The following UBAC1 variants were observed in gnomAD, a reference collection of about 807,000 sequenced individuals.
UBAC1 encodes the protein UBA domain containing 1, also known as ubiquitin-associated domain-containing protein 1.
In UBAC1, 27 loss-of-function variants were observed where a neutral mutation model predicts 45.9. The ratio of observed to expected loss-of-function variants is 0.59; its 90% CI spans 0.43 to 0.81. UBAC1 has a LOEUF of 0.81. Ranked by LOEUF, UBAC1 falls within the 30% of genes least tolerant of loss-of-function variation. The pLI is 0.00. For synonymous variants in UBAC1, 227 were observed against 215.5 expected, an observed-to-expected ratio of 1.05 and a Z score of -0.47; for missense variants, 529 against 539.2, an observed-to-expected ratio of 0.98 and a Z score of 0.19.
intron 1 of UBAC1, among the ~76,000 whole-genome samples, chr9:135,955,999 C>T (rs896571251): frequency 1.3e-5 from 2 of 152,218 alleles, no homozygotes; most frequent in Non-Finnish European, 2.9e-5. Flanking sequence ...CGTGGCCCAG[C>T]TCACGAAGCA....
Position 135,955,409 on chromosome 9 carries a change from G to A in UBAC1, c.145C>T (p.His49Tyr), listed in dbSNP as rs142001879. ...CTTTTGGGATCTTCTAAGCTCCCAT[G>A]AGCACACTGGGGAAAAATAGAAATT... ...LKERCLKHCA[H>Y]GSLEDPKSIT... The change falls in exon 2 of 10, where the codon CAT becomes TAT. Residue 49 changes from histidine to tyrosine, a missense_variant. Physicochemically the swap from His to Tyr is moderately conservative, Grantham distance 83. Transcript: ENST00000371756. 12,322 of 1,558,468 alleles carry A rather than the reference G, an allele frequency of 7.9e-3. 74 individuals are homozygous for A. Among genetic ancestry groups the A allele is most frequent in the South Asian group, 0.012 (974 of 82,040 alleles).
chr9:135,936,450 T>C (rs1174340991), intron 9 of UBAC1, among the ~76,000 whole-genome samples: 4 of 151,276 alleles, frequency 2.6e-5, no homozygotes, highest in Non-Finnish European at 4.4e-5. Context: ...GAAAAAAAAA[T>C]AAAAGGAAAA....
chr9:135,942,802 T>C (rs911900398), intron 7 of UBAC1, among the ~76,000 whole-genome samples: 2 of 152,202 alleles, frequency 1.3e-5, no homozygotes, highest in Admixed American at 1.3e-4. Flanking sequence ...CGGGGTCTGA[T>C]GTCTACACAC....
intron 3 of UBAC1, among the ~76,000 whole-genome samples, chr9:135,951,608 A>G (rs1839406188): frequency 6.6e-6 from 1 of 152,124 alleles, no homozygotes; most frequent in South Asian, 2.1e-4. Context: ...CAGGAGATCG[A>G]GACCAGCCTG....
intron 9 of UBAC1, among the ~76,000 whole-genome samples, chr9:135,934,439 T>C (rs1839181541): frequency 6.6e-6 from 1 of 152,188 alleles, no homozygotes; most frequent in Non-Finnish European, 1.5e-5. Context: ...AGCAGGCGGA[T>C]CATGAGGTCA....
chr9:135,943,797 G>C (rs561999144), intron 7 of UBAC1, among the ~76,000 whole-genome samples: 1 of 152,228 alleles, frequency 6.6e-6, no homozygotes, highest in East Asian at 1.9e-4. Flanking sequence ...GCCATAAAAA[G>C]GAACGAGATC....
rs534502841 is a variant in UBAC1, at chr9:135,947,079, C to G, written c.442-708G>C. ...TCCTAAAATGAAACAGGGCTTATAGCAGTGCCCTTAGGTTGGACTGGCATC... is the reference window on the plus strand; with the variant it reads ...TCCTAAAATGAAACAGGGCTTATAGGAGTGCCCTTAGGTTGGACTGGCATC... On this transcript the variant is annotated intron_variant, in intron 4 of 9. Coordinates refer to ENST00000371756, the MANE Select transcript of UBAC1 (RefSeq NM_016172.3). 3.3e-5 allele frequency among the ~76,000 whole-genome samples: 5 copies of G among 152,348 alleles called. No homozygotes were observed. The South Asian group carries it at 1.0e-3, about 32-fold the overall frequency.
chr9:135,946,597 C>T (rs183393251), intron 4 of UBAC1, among the ~76,000 whole-genome samples: 3 of 152,326 alleles, frequency 2.0e-5, no homozygotes, highest in East Asian at 1.9e-4. Context: ...CGCCTGGTGA[C>T]GGTCACTCAG....
chr9:135,947,823 G>GC lies in UBAC1; in HGVS notation c.415dup (p.Ala139GlyfsTer40). On this transcript the variant is annotated frameshift_variant, in exon 4 of 10. Coordinates refer to ENST00000371756, the MANE Select transcript of UBAC1 (RefSeq NM_016172.3). LOFTEE classifies it high-confidence loss of function. ...GTCTCTCATGTTGGTCTGGACCGCG[G>GC]CCCGGTCCATGTTGTAGGAGGGCAG... 6.2e-7 allele frequency: 1 copy of GC among 1,614,022 alleles called. No homozygotes were observed. Among genetic ancestry groups the GC allele is most frequent in the Non-Finnish European group, 8.5e-7 (1 of 1,179,962 alleles).
intron 2 of UBAC1, among the ~76,000 whole-genome samples, chr9:135,954,528 T>TA (rs1839443782): frequency 6.6e-6 from 1 of 152,208 alleles, no homozygotes; most frequent in African/African-American, 2.4e-5. Flanking sequence ...TGCATGGCCC[T>TA]AGCTGAGGTA....
In UBAC1 at chr9:135,947,724, C is replaced by T. The variant is rs545828415; in HGVS notation, c.441+74G>A. 7.9e-4 allele frequency: 1,031 copies of T among 1,306,050 alleles called. 5 individuals are homozygous for T. In the African/African-American group the frequency reaches 0.013, roughly 17 times the overall value. 80.9% of individuals were successfully genotyped at this position (1,306,050 alleles called of 1,614,324 possible). On this transcript the variant is annotated intron_variant, in intron 4 of 9. Transcript: ENST00000371756. ...AGAATCTCCTCTTGCTGCCCCGCCC[C>T]GCAGGAACCCCCCCACAGCAATCCC...
In UBAC1 at chr9:135,946,287, A is replaced by G; in HGVS notation, c.526T>C (p.Leu176=). Residue 176 remains leucine (L), a synonymous_variant, in exon 5 of 10, where the codon TTG becomes CTG. Coordinates refer to ENST00000371756, the MANE Select transcript of UBAC1 (RefSeq NM_016172.3). ...LLALNPDAVE[L]FKKANAMLDE... ...CTCATACCATTCGCCTTCTTAAACA[A>G]TTCCACTGCATCTGGGTTCAGCGCT... 1 of 1,613,272 alleles carries G rather than the reference A, an allele frequency of 6.2e-7. No homozygotes were observed. Among genetic ancestry groups the G allele is most frequent in the Non-Finnish European group, 8.5e-7 (1 of 1,179,204 alleles).
intron 7 of UBAC1, among the ~76,000 whole-genome samples, chr9:135,942,443 A>G (rs1201577543): frequency 6.6e-6 from 1 of 152,214 alleles, no homozygotes; most frequent in Non-Finnish European, 1.5e-5. Flanking sequence ...TGAGGCCAGG[A>G]GTTCAACACC....
chr9:135,939,311 G>GTT (rs1295795109), intron 8 of UBAC1, among the ~76,000 whole-genome samples: 1 of 151,724 alleles, frequency 6.6e-6, no homozygotes, highest in Non-Finnish European at 1.5e-5. Context: ...TTTTTATACT[G>GTT]TTTGAGCCAT....
chr9:135,947,961 G>A lies in UBAC1; in HGVS notation c.334-56C>T, dbSNP rs2131088980. ...GTGAACGTAAGAGCAGCAAAAAGACGATGACAACTGAATCAGCGGAGCTCT... is the reference window on the plus strand; with the variant it reads ...GTGAACGTAAGAGCAGCAAAAAGACAATGACAACTGAATCAGCGGAGCTCT... On this transcript the variant is annotated intron_variant, in intron 3 of 9. Transcript: ENST00000371756. 6.7e-6 allele frequency: 10 copies of A among 1,499,226 alleles called. No homozygotes were observed. The East Asian group carries it at 1.2e-4, about 18-fold the overall frequency. 92.9% of individuals were successfully genotyped at this position (1,499,226 alleles called of 1,614,324 possible).
At position 135,945,339 on chromosome 9, in the gene UBAC1, T is replaced by C. The variant is rs891296205; in HGVS notation, c.654-89A>G. The C allele has an allele frequency of 2.5e-5, 29 of 1,141,926 alleles. 1 individual carries two copies. The highest frequency in any genetic ancestry group is 3.4e-5 in the Non-Finnish European group (28 of 832,448). The allele number at this position is 1,141,926 out of a possible 1,614,324, so 70.7% of individuals were successfully genotyped here. ...CCATTCCCAAGAAGAGCCTCTGCTA[T>C]GGTAGTGACTTCTCCAGCATCAGCT... On this transcript the variant is annotated intron_variant, in intron 6 of 9. Transcript: ENST00000371756.
chr9:135,946,385 A>T lies in UBAC1; in HGVS notation c.442-14T>A. The T allele has an allele frequency of 6.5e-7, 1 of 1,544,102 alleles. No individual in the cohort carries two copies. Among genetic ancestry groups the T allele is most frequent in the Non-Finnish European group, 9.0e-7 (1 of 1,116,242 alleles). ...TTCTGTCTGGAACTGTGGTGAAAAA[A>T]AAGGAGATCAATTCTCTAAATGTCC... On this transcript the variant is annotated splice_polypyrimidine_tract_variant and intron_variant, in intron 4 of 9. Coordinates refer to ENST00000371756, the MANE Select transcript of UBAC1 (RefSeq NM_016172.3).
In UBAC1 at chr9:135,945,191, T is replaced by G. The variant is rs776827663; in HGVS notation, c.713A>C (p.Asp238Ala). 1.9e-6 allele frequency: 3 copies of G among 1,612,584 alleles called. No homozygotes were observed. In the South Asian group the frequency reaches 3.3e-5, roughly 18 times the overall value. ...GGGAGCTTGGCCAGGAAGAGGCGTG[T>G]CTATGGTCGGGTCTTCTGCGTGTTC... ...LIEHAEDPTIDTPLPGQAPPE... is the reference protein window; with the variant it reads ...LIEHAEDPTIATPLPGQAPPE... The change falls in exon 7 of 10, where the codon GAC (aspartate) becomes GCC (alanine). Residue 238 changes from aspartate (D) to alanine (A), a missense_variant. Asp to Ala is a moderately radical substitution (Grantham distance 126). Coordinates refer to ENST00000371756, the MANE Select transcript of UBAC1 (RefSeq NM_016172.3).
chr9:135,946,273 C>A lies in UBAC1; in HGVS notation c.540G>T (p.Ala180=). ...AGCATCGGGGTTGACTCATACCATT[C>A]GCCTTCTTAAACAATTCCACTGCAT... ...NPDAVELFKK[A]NAMLDEDEDE... is the part of the protein sequence containing the mutation. Residue 180 remains alanine, a synonymous_variant, in exon 5 of 10, where the codon GCG becomes GCT. Coordinates refer to ENST00000371756, the MANE Select transcript of UBAC1 (RefSeq NM_016172.3). 13 of 1,609,854 alleles carry A rather than the reference C, an allele frequency of 8.1e-6. No homozygotes were observed. The highest frequency in any genetic ancestry group is 1.1e-5 in the Non-Finnish European group (13 of 1,176,266).
Sources: allele counts gnomAD v4.1 joint callset (sites outside exome capture counted in the v4.1 genomes callset), GRCh38; gene constraint gnomAD v4.1.1; transcripts MANE v1.5; gene names NCBI Gene and HGNC (gene_info 2026-07-23, HGNC 2026-07-21).